Variants in ZNF765 observed in about 807,000 individuals in gnomAD.
The protein encoded by ZNF765 is zinc finger protein 765.
In ZNF765, 37 loss-of-function variants were observed where a neutral mutation model predicts 44.7. The observed-to-expected ratio is 0.83, with a 90% CI of 0.64 to 1.09. ZNF765 has a LOEUF of 1.09. ZNF765 is among the 50% of genes least tolerant of loss of function. ZNF765 has a pLI of 0.00. For synonymous variants in ZNF765, 201 were observed against 213.7 expected, an observed-to-expected ratio of 0.94 and a Z score of 0.52; for missense variants, 594 against 626.1, an observed-to-expected ratio of 0.95 and a Z score of 0.55.
chr19:53,419,144 C>T (rs1403846852), intron 3 of ZNF765, among the ~76,000 whole-genome samples: 2 of 151,900 alleles, frequency 1.3e-5, no homozygotes, highest in East Asian at 3.9e-4. Flanking sequence ...GTGTTTAATC[C>T]ACATGATAAT....
intron 3 of ZNF765, among the ~76,000 whole-genome samples, chr19:53,403,841 CAAA>C (rs57144770): frequency 7.1e-6 from 1 of 140,266 alleles, no homozygotes; most frequent in Non-Finnish European, 1.6e-5. Context: ...GACTCTGTCT[CAAA>C]AAAAAAAAAA....
chr19:53,417,464 C>CT (rs2085882201), intron 3 of ZNF765, among the ~76,000 whole-genome samples: 1 of 152,146 alleles, frequency 6.6e-6, no homozygotes, highest in African/African-American at 2.4e-5. Flanking sequence ...TGATCTCGTT[C>CT]TTTTTTATGG....
rs1468932531 is a variant in ZNF765 at position 53,408,812 on chromosome 19, C to T, written c.1257C>T (p.Thr419=). ...KPYKCNECGK[T]FNQQLTLNIC... is the part of the protein sequence containing the mutation. The stretch of plus-strand genomic sequence containing the variant: ...ACAAGTGTAATGAGTGTGGCAAGAC[C>T]TTCAATCAGCAGTTAACCCTTAACA... The change falls in exon 4 of 4, where the codon ACC becomes ACT. Residue 419 remains threonine, a synonymous_variant. Transcript: ENST00000396408. The T allele has an allele frequency of 6.2e-7, 1 of 1,613,958 alleles. No homozygotes were observed. Among genetic ancestry groups the T allele is most frequent in the Non-Finnish European group, 8.5e-7 (1 of 1,180,018 alleles).
chr19:53,396,506 A>G (rs1365617062), intron 1 of ZNF765, among the ~76,000 whole-genome samples: 1 of 152,256 alleles, frequency 6.6e-6, no homozygotes, highest in Non-Finnish European at 1.5e-5. Context: ...AATCTATAGC[A>G]TAGCATAACT....
intron 2 of ZNF765, among the ~76,000 whole-genome samples, chr19:53,398,682 T>C (rs1193921194): frequency 6.6e-6 from 1 of 152,230 alleles, no homozygotes; most frequent in African/African-American, 2.4e-5. Flanking sequence ...GTGGGGTTCC[T>C]GTGGAGAGGC....
intron 1 of ZNF765, among the ~76,000 whole-genome samples, chr19:53,395,646 C>T (rs2085660278): frequency 6.6e-6 from 1 of 152,214 alleles, no homozygotes; most frequent in Non-Finnish European, 1.5e-5. Flanking sequence ...GCCGTGGCGC[C>T]GCCGCCTCCC....
rs905982616 is a variant in ZNF765 at position 53,395,185 on chromosome 19, C to G, written c.-82C>G. ...CGGACGGCGTGGAGTGACTATCCCACCGCCGCGGGTGAGTTTCGCTCTGTT... is the reference window on the plus strand; with the variant it reads ...CGGACGGCGTGGAGTGACTATCCCAGCGCCGCGGGTGAGTTTCGCTCTGTT... On this transcript the variant is annotated 5_prime_UTR_variant, in exon 1 of 4. Transcript: ENST00000396408. The G allele has an allele frequency of 6.6e-6, 1 of 152,430 alleles. No individual in the cohort carries two copies. Among genetic ancestry groups the G allele is most frequent in the Non-Finnish European group, 1.5e-5 (1 of 68,190 alleles). The allele number at this position is 152,430 out of a possible 1,614,324, so 9.4% of individuals were successfully genotyped here. A position where few individuals can be genotyped will look rare whatever the true frequency, so the allele number is the denominator to read the frequency against.
chr19:53,406,283 C>A (rs2085775724), intron 3 of ZNF765, among the ~76,000 whole-genome samples: 1 of 151,870 alleles, frequency 6.6e-6, no homozygotes, highest in South Asian at 2.1e-4. Context: ...CCCACCTCAG[C>A]CTCCCAAAGT....
intron 2 of ZNF765, 88 bp from the exon 3 acceptor site, chr19:53,401,977 C>T (rs775002397): frequency 6.2e-7 from 1 of 1,613,164 alleles, no homozygotes; most frequent in Non-Finnish European, 8.5e-7. Flanking sequence ...CATTTAAATC[C>T]ATGCCTTCAC....
At chr19:53,399,795 C>T (rs566452631) in intron 2 of ZNF765, among the ~76,000 whole-genome samples, 36 of 152,114 alleles carry the variant, frequency 2.4e-4, no homozygotes, top group African/African-American at 8.0e-4. Context: ...TGTTAAGTCC[C>T]GTACCCAATA....
chr19:53,414,477 A>C (rs1361736746), downstream of ZNF765, among the ~76,000 whole-genome samples: 5 of 10,524 alleles, frequency 4.8e-4, no homozygotes, highest in African/African-American at 1.3e-3. Flanking sequence ...ACACACACAC[A>C]CACACACACA....
Position 53,408,506 on chromosome 19 carries a change from T to G in ZNF765, c.951T>G (p.His317Gln). 1.2e-6 allele frequency: 2 copies of G among 1,612,246 alleles called. No homozygotes were observed. The highest frequency in any genetic ancestry group is 1.7e-6 in the Non-Finnish European group (2 of 1,179,076). Residue 317 changes from histidine to glutamine, a missense_variant, in exon 4 of 4, where the codon CAT becomes CAG. Physicochemically the swap from His to Gln is conservative, Grantham distance 24. Transcript: ENST00000396408. ...ATTTCAAATCAAAGCTTCAAATACA[T>G]AGGAGAATTCATACTGGAGAGAAAC... ...AFHFKSKLQI[H>Q]RRIHTGEKPY... is the part of the protein sequence containing the mutation.
intron 2 of ZNF765, among the ~76,000 whole-genome samples, chr19:53,401,286 G>A (rs1287009656): frequency 6.6e-6 from 1 of 152,136 alleles, no homozygotes; most frequent in South Asian, 2.1e-4. Flanking sequence ...TTTCTGGGCC[G>A]GGCACTGTGT....
At position 53,410,048 on chromosome 19, in the gene ZNF765, C is replaced by A; in HGVS notation, c.*921C>A. Reference sequence around the variant, plus strand: ...TGCAGAAAATTTTTCAGACATCCTTCATACCTTTGCAGTTCATGGGTGAAG... The same window carrying A: ...TGCAGAAAATTTTTCAGACATCCTTAATACCTTTGCAGTTCATGGGTGAAG... On this transcript the variant is annotated 3_prime_UTR_variant, in exon 4 of 4. Coordinates refer to ENST00000396408, the MANE Select transcript of ZNF765 (RefSeq NM_001040185.3). 2.1e-6 allele frequency: 1 copy of A among 473,442 alleles called. No homozygotes were observed. The highest frequency in any genetic ancestry group is 1.6e-5 in the South Asian group (1 of 62,600). 29.3% of individuals were successfully genotyped at this position (473,442 alleles called of 1,614,324 possible).
rs2147098926 is a variant in ZNF765 at position 53,409,141 on chromosome 19, A to G, written c.*14A>G. On this transcript the variant is annotated 3_prime_UTR_variant, in exon 4 of 4. Coordinates refer to ENST00000396408, the MANE Select transcript of ZNF765 (RefSeq NM_001040185.3). ...CTACACGTGTAATGAGTGTGGTAAG[A>G]CCTTCAATCAGGAGTTAACCCTTAC... 6.2e-7 allele frequency: 1 copy of G among 1,600,946 alleles called. No homozygotes were observed. The highest frequency in any genetic ancestry group is 8.6e-7 in the Non-Finnish European group (1 of 1,168,370).
chr19:53,397,823 T>G (rs2085685606), intron 1 of ZNF765, 120 bp from the exon 2 acceptor site: 1 of 1,008,244 alleles, frequency 9.9e-7, no homozygotes, highest in Non-Finnish European at 1.4e-6. Context: ...GTCCCTGGTG[T>G]GGTCGGCAGC....
At chr19:53,402,016 A>G in intron 2 of ZNF765, 49 bp from the exon 3 acceptor site, 2 of 1,614,032 alleles carry the variant, frequency 1.2e-6, no homozygotes, top group Middle Eastern at 1.7e-4. Context: ...TTCTGTAAAG[A>G]TAAGAACTCC....
At chr19:53,423,944 T>A (rs1273661429) in exon 4 of ZNF765, 1 of 154,796 alleles carries the variant, frequency 6.5e-6, no homozygotes, top group Admixed American at 6.4e-5. Context: ...TACTGAAACG[T>A]AAACGATATA....
chr19:53,420,531 T>C (rs1169201623), intron 3 of ZNF765, among the ~76,000 whole-genome samples: 1 of 152,122 alleles, frequency 6.6e-6, no homozygotes, highest in Non-Finnish European at 1.5e-5. Flanking sequence ...AACTGAAAAT[T>C]GTGGGGAAAA....
Sources: allele counts gnomAD v4.1 joint callset (sites outside exome capture counted in the v4.1 genomes callset), GRCh38; gene constraint gnomAD v4.1.1; transcripts MANE v1.5; gene names NCBI Gene and HGNC (gene_info 2026-07-23, HGNC 2026-07-21).